The following COL18A1 variants were observed in gnomAD, a reference collection of about 807,000 sequenced individuals.
COL18A1 encodes collagen alpha-1(XVIII) chain.
A neutral mutation model predicts 168.0 loss-of-function variants in COL18A1; 133 were observed. The observed-to-expected ratio is 0.79, with a 90% confidence interval of 0.69 to 0.91. The LOEUF is 0.91. Ranked by LOEUF, COL18A1 falls within the 40% of genes least tolerant of loss-of-function variation. The pLI, the probability that COL18A1 is intolerant of heterozygous loss-of-function variation, is 0.00. For missense variants in COL18A1, 2,126 were observed against 1,925.4 expected (o/e 1.10, Z -1.95); for synonymous variants, 949 against 809.0 (o/e 1.17, Z -2.94).
At chr21:45,416,541 G>A (rs958778713) in intron 2 of COL18A1, among the ~76,000 whole-genome samples, 1 of 152,168 alleles carries the variant, frequency 6.6e-6, no homozygotes, top group Non-Finnish European at 1.5e-5. Flanking sequence ...GCCTCGGTCC[G>A]TCCTCTGTGA....
intron 2 of COL18A1, chr21:45,422,473 T>C (rs2033656733): frequency 1.9e-6 from 1 of 530,660 alleles, no homozygotes; most frequent in South Asian, 1.4e-5. Context: ...ACAGAATAGA[T>C]GGCAGAAGCC....
intron 23 of COL18A1, 54 bp downstream of exon 23, chr21:45,492,618 G>T: frequency 1.2e-6 from 2 of 1,611,658 alleles, no homozygotes; most frequent in South Asian, 1.1e-5. Flanking sequence ...TGGGTACAAG[G>T]CTGGGTGGGG....
intron 2 of COL18A1, among the ~76,000 whole-genome samples, chr21:45,407,817 G>T (rs2033163502): frequency 6.6e-6 from 1 of 152,226 alleles, no homozygotes; most frequent in African/African-American, 2.4e-5. Context: ...CCTGTCTGGT[G>T]GTCAGCACAG....
In COL18A1 at chr21:45,418,380, G is replaced by C. The variant is rs572226651; in HGVS notation, c.106+12907G>C. Among the ~76,000 whole-genome samples, 14 of 152,264 alleles carry C rather than the reference G, an allele frequency of 9.2e-5. No individual in the cohort carries two copies. In the East Asian group the frequency reaches 2.7e-3, roughly 29 times the overall value. On this transcript the variant is annotated intron_variant, in intron 2 of 41. Coordinates refer to ENST00000651438, the MANE Select transcript of COL18A1 (RefSeq NM_001379500.1). ...CTCTGGCAGGGCAGCTCAGTGCTGG[G>C]CTCATTCTTCCCACGTCAAGGCAGC...
rs1187978221 is a variant in COL18A1 at position 45,505,445 on chromosome 21, C to T, written c.3087+14C>T. 5 of 1,469,374 alleles carry T rather than the reference C, an allele frequency of 3.4e-6. No individual in the cohort carries two copies. The African/African-American group carries it at 4.1e-5, about 12-fold the overall frequency. 91.0% of individuals were successfully genotyped at this position (1,469,374 alleles called of 1,614,324 possible). On this transcript the variant is annotated intron_variant, in intron 36 of 41. Coordinates refer to ENST00000651438, the MANE Select transcript of COL18A1 (RefSeq NM_001379500.1). ...GCCTCCTCAGGGGTAAGTGTCTGGG[C>T]AGCCGGCTGGGCACCTGCGTCCCGT...
intron 2 of COL18A1, among the ~76,000 whole-genome samples, chr21:45,412,504 A>G (rs777809648): frequency 6.6e-6 from 1 of 152,084 alleles, no homozygotes; most frequent in Non-Finnish European, 1.5e-5. Context: ...GGCCTCCCAA[A>G]GTGCTGGGAT....
Position 45,504,013 on chromosome 21 carries a change from C to A in COL18A1, c.2686C>A (p.Gln896Lys). The stretch of plus-strand genomic sequence containing the variant: ...CCCCGCCTGTCTCTCTCTTGCAGGG[C>A]AGTTTCCGTTTGACTTTCTTCAGTT... ...GEVGPPGPPG[Q>K]FPFDFLQLEA... Residue 896 changes from glutamine (Q) to lysine (K), a missense_variant and splice_region_variant, in exon 33 of 42, where the codon CAG becomes AAG. Transcript: ENST00000651438. The A allele has an allele frequency of 1.2e-6, 2 of 1,613,662 alleles. No individual in the cohort carries two copies. Among genetic ancestry groups the A allele is most frequent in the Non-Finnish European group, 1.7e-6 (2 of 1,179,980 alleles).
intron 17 of COL18A1, chr21:45,487,753 T>C (rs1602525384): frequency 1.5e-6 from 1 of 656,398 alleles, no homozygotes; most frequent in East Asian, 2.8e-5. Context: ...CTGTGAGTGG[T>C]CAAGACAAAG....
intron 2 of COL18A1, among the ~76,000 whole-genome samples, chr21:45,414,819 TG>T (rs2033396282): frequency 2.0e-5 from 3 of 152,338 alleles, no homozygotes; most frequent in Non-Finnish European, 4.4e-5. Flanking sequence ...CCCCGGCCTG[TG>T]GGACCCGTGA....
rs1293623686 is a variant in COL18A1, at chr21:45,473,340, G to A, written c.652-555G>A. ...TGAGTGAGTGAGATTGGGTCCGGAC[G>A]GAATGGGCGCAGAGATCCAGGAAAC... On this transcript the variant is annotated intron_variant, in intron 3 of 41. Transcript: ENST00000651438. This position sits in a 1 kb window ranked among gnomAD's most constrained non-coding sequence, Gnocchi z 4.0. Among the ~76,000 whole-genome samples, 4 of 152,240 alleles carry A rather than the reference G, an allele frequency of 2.6e-5. No individual in the cohort carries two copies. The highest frequency in any genetic ancestry group is 7.2e-5 in the African/African-American group (3 of 41,474).
rs1202571242 is a variant in COL18A1, at chr21:45,484,396, TGTAC to T, written c.1701+1576_1701+1579del. 1.2e-3 allele frequency among the ~76,000 whole-genome samples: 154 copies of T among 123,662 alleles called. 7 individuals are homozygous for T. The highest frequency in any genetic ancestry group is 4.6e-3 in the African/African-American group (131 of 28,674). 81.1% of individuals were successfully genotyped at this position (123,662 alleles called of 152,430 possible). ...CGCACACACACATCTCCAGCATGTG[TGTAC>T]ACACACACACACCTCTCCAGCATAT... is the stretch of plus-strand genomic sequence containing the variant. On this transcript the variant is annotated intron_variant, in intron 15 of 41. Transcript: ENST00000651438.
Position 45,512,862 on chromosome 21 carries a change from C to G in COL18A1, c.*464C>G, listed in dbSNP as rs1183660394. On this transcript the variant is annotated 3_prime_UTR_variant, in exon 42 of 42. Coordinates refer to ENST00000651438, the MANE Select transcript of COL18A1 (RefSeq NM_001379500.1). ...ATGGGAGCTGAGGCCACACTCAGCA[C>G]AAGGCCATCTGGGCTCCTCCAGGGT... The G allele has an allele frequency of 7.7e-6, 2 of 258,910 alleles. No homozygotes were observed. The highest frequency in any genetic ancestry group is 1.5e-5 in the Non-Finnish European group (2 of 131,600). The allele number at this position is 258,910 out of a possible 1,614,324, so 16.0% of individuals were successfully genotyped here. A position where few individuals can be genotyped will look rare whatever the true frequency, so the allele number is the denominator to read the frequency against.
At position 45,438,304 on chromosome 21, in the gene COL18A1, T is replaced by TCACA. The variant is rs1476167535; in HGVS notation, c.107-29936_107-29935insCACA. On this transcript the variant is annotated intron_variant, in intron 2 of 41. Transcript: ENST00000651438. ...GGCACTCTCCTGCACACACACACACTCAGACACACAGGCACTCTCCTGCAC... is the reference window on the plus strand; with the variant it reads ...GGCACTCTCCTGCACACACACACACTCACACAGACACACAGGCACTCTCCTGCAC... Among the ~76,000 whole-genome samples, 106 of 68,764 alleles carry TCACA rather than the reference T, an allele frequency of 1.5e-3. 7 individuals carry two copies. The highest frequency in any genetic ancestry group is 2.8e-3 in the Admixed American group (20 of 7,218). The allele number at this position is 68,764 out of a possible 152,430, so 45.1% of individuals were successfully genotyped here. A position where few individuals can be genotyped will look rare whatever the true frequency, so the allele number is the denominator to read the frequency against.
chr21:45,505,096 C>T (rs371061838), intron 34 of COL18A1, 38 bp from the exon 35 acceptor site: 81 of 1,598,746 alleles, frequency 5.1e-5, no homozygotes, highest in African/African-American at 2.0e-4. Context: ...GTCCAGGGCA[C>T]GAGGTAACCA....
intron 2 of COL18A1, among the ~76,000 whole-genome samples, chr21:45,416,607 C>A (rs544840622): frequency 6.6e-6 from 1 of 152,114 alleles, no homozygotes; most frequent in Non-Finnish European, 1.5e-5. Flanking sequence ...TCTCCTGGAC[C>A]GCGGTCCGTC....
chr21:45,493,544 G>A lies in COL18A1; in HGVS notation c.2321G>A (p.Gly774Asp). ...GGCAGCATCTTCAGCCCCGACGGCG[G>A]TGCCCTGGGCCCTGCCCAGAAAGGA... The part of the protein sequence containing the change: ...EPGSIFSPDG[G>D]ALGPAQKGAK... The change falls in exon 26 of 42, where the codon GGT (glycine) becomes GAT (aspartate). Residue 774 changes from glycine (G) to aspartate (D), a missense_variant. By Grantham distance (94) the Gly-to-Asp change is moderately conservative. Coordinates refer to ENST00000651438, the MANE Select transcript of COL18A1 (RefSeq NM_001379500.1). 6.4e-7 allele frequency: 1 copy of A among 1,559,740 alleles called. No homozygotes were observed. Among genetic ancestry groups the A allele is most frequent in the Non-Finnish European group, 8.7e-7 (1 of 1,152,732 alleles).
chr21:45,492,321 A>G (rs1481461040), intron 22 of COL18A1, among the ~76,000 whole-genome samples: 2 of 152,166 alleles, frequency 1.3e-5, no homozygotes, highest in African/African-American at 4.8e-5. Flanking sequence ...AGTAAAAACC[A>G]TGGCCCTTAG....
chr21:45,422,915 G>T (rs1235565132), intron 2 of COL18A1, among the ~76,000 whole-genome samples: 2 of 152,154 alleles, frequency 1.3e-5, no homozygotes, highest in Non-Finnish European at 2.9e-5. Context: ...AGCCTCCCGA[G>T]TAGCTGGGAT....
At position 45,428,033 on chromosome 21, in the gene COL18A1, C is replaced by T. The variant is rs529246496; in HGVS notation, c.106+22560C>T. Among the ~76,000 whole-genome samples, 211 of 152,326 alleles carry T rather than the reference C, an allele frequency of 1.4e-3. 3 individuals carry two copies. Among genetic ancestry groups the T allele is most frequent in the African/African-American group, 4.9e-3 (204 of 41,568 alleles). ...CACAGCCAACGCAGCCTACTCCTGC[C>T]CACTGCTCGCGCCGGCCAAGGCCCG... On this transcript the variant is annotated intron_variant, in intron 2 of 41. Transcript: ENST00000651438.
Sources: gnomAD v4.1 joint callset for allele counts (sites outside exome capture counted in the v4.1 genomes callset) on GRCh38, gnomAD v4.1.1 for gene constraint, Gnocchi (gnomAD v3.1) non-coding constraint, MANE v1.5 for transcripts, NCBI Gene and HGNC (gene_info 2026-07-23, HGNC 2026-07-21) for gene names.